Variants in KIAA1671 observed in about 807,000 individuals in gnomAD.
KIAA1671 encodes the protein uncharacterized protein KIAA1671.
A neutral mutation model predicts 131.2 loss-of-function variants in KIAA1671; 52 were observed. The observed-to-expected ratio is 0.40, with a 90% CI of 0.32 to 0.50. The LOEUF is 0.50. KIAA1671 is among the 20% of genes least tolerant of loss of function. The probability of loss-of-function intolerance (pLI) is 0.73; values close to 1 mark genes in which losing one functional copy is unlikely to be tolerated. For missense variants in KIAA1671, 2,360 were observed against 2,364.2 expected (o/e 1.00, Z 0.04); for synonymous variants, 1,003 against 961.6 (o/e 1.04, Z -0.80).
At chr22:25,053,263 C>T (rs1927641149) in intron 6 of KIAA1671, 1 of 152,192 alleles carries the variant, frequency 6.6e-6, no homozygotes, top group African/African-American at 2.4e-5. Context: ...TTTCAGGGTT[C>T]CCCTCAGGAC....
chr22:25,157,150 C>T (rs929457454), intron 6 of KIAA1671, among the ~76,000 whole-genome samples: 4 of 152,272 alleles, frequency 2.6e-5, no homozygotes, highest in Non-Finnish European at 5.9e-5. Flanking sequence ...TATATACTTA[C>T]ATATAATTAT....
At chr22:24,959,429 A>G (rs538565993) in intron 1 of KIAA1671, among the ~76,000 whole-genome samples, 1 of 152,206 alleles carries the variant, frequency 6.6e-6, no homozygotes, top group Non-Finnish European at 1.5e-5. Context: ...AGGCTGAGGC[A>G]TGAGAATCAC....
chr22:24,977,008 C>T (rs1388005577), intron 1 of KIAA1671, among the ~76,000 whole-genome samples: 4 of 152,164 alleles, frequency 2.6e-5, no homozygotes, highest in African/African-American at 9.7e-5. Flanking sequence ...GTTCAATCCT[C>T]AGTTTCCCTG....
chr22:25,074,433 A>G (rs1378882814), intron 6 of KIAA1671, among the ~76,000 whole-genome samples: 1 of 138,626 alleles, frequency 7.2e-6, no homozygotes, highest in East Asian at 2.2e-4. Flanking sequence ...TGAACTTGGG[A>G]GCCGGAGGTT....
At chr22:25,046,791 C>G (rs1927259553) in intron 5 of KIAA1671, among the ~76,000 whole-genome samples, 1 of 152,090 alleles carries the variant, frequency 6.6e-6, no homozygotes, top group African/African-American at 2.4e-5. Flanking sequence ...GGGAGTAACA[C>G]AGGGAATCCT....
At chr22:25,158,062 C>T (rs1034818499) in intron 6 of KIAA1671, among the ~76,000 whole-genome samples, 9 of 152,196 alleles carry the variant, frequency 5.9e-5, no homozygotes, top group African/African-American at 2.2e-4. Context: ...ACCTTGTGAT[C>T]CGCCTGCCTC....
At chr22:25,134,246 T>G (rs1333720732) in intron 6 of KIAA1671, among the ~76,000 whole-genome samples, 2 of 152,180 alleles carry the variant, frequency 1.3e-5, no homozygotes, top group African/African-American at 2.4e-5. Context: ...GTTTAATTAA[T>G]GAATGTGCCA....
intron 1 of KIAA1671, among the ~76,000 whole-genome samples, chr22:24,986,998 C>G (rs1023222518): frequency 2.0e-5 from 3 of 151,900 alleles, no homozygotes; most frequent in Non-Finnish European, 2.9e-5. Context: ...TGACCTCCGC[C>G]GTTTACTGCA....
chr22:25,110,357 T>C (rs543827761), intron 6 of KIAA1671, among the ~76,000 whole-genome samples: 2 of 152,292 alleles, frequency 1.3e-5, no homozygotes, highest in East Asian at 1.9e-4. Context: ...TGGGTTTCAA[T>C]TGTGTACTTG....
At position 25,111,216 on chromosome 22, in the gene KIAA1671, C is replaced by G. The variant is rs1008842572; in HGVS notation, c.4531-59604C>G. Among the ~76,000 whole-genome samples the G allele has an allele frequency of 2.6e-5, 4 of 152,330 alleles. No individual in the cohort carries two copies. The South Asian group carries it at 8.3e-4, about 32-fold the overall frequency. On this transcript the variant is annotated intron_variant, in intron 6 of 12. Transcript: ENST00000358431. The stretch of plus-strand genomic sequence containing the variant: ...AACCTTCCCGGGGCTGCCAGATCGC[C>G]GACATACACGCACACACACACAGAG...
chr22:25,123,934 G>A lies in KIAA1671; in HGVS notation c.4531-46886G>A, dbSNP rs547682917. On this transcript the variant is annotated intron_variant, in intron 6 of 12. Coordinates refer to ENST00000358431, the MANE Select transcript of KIAA1671 (RefSeq NM_001145206.2). ...TGTGGAAATAGTCCAAGGATGGCCA[G>A]GGAGTATTATTTAATGCCTTGTCTT... Among the ~76,000 whole-genome samples the A allele has an allele frequency of 6.6e-5, 10 of 152,366 alleles. No homozygotes were observed. The South Asian group carries it at 2.1e-3, about 32-fold the overall frequency.
In KIAA1671 at chr22:25,035,585, C is replaced by T. The variant is rs1418973958; in HGVS notation, c.1629+2889C>T. On this transcript the variant is annotated intron_variant, in intron 4 of 12. Transcript: ENST00000358431. The stretch of plus-strand genomic sequence containing the variant: ...GTTTGCCCTGCAAGTTTTATTGTTG[C>T]ATTTTCTGAATCATTTCTTTGAAAA... Among the ~76,000 whole-genome samples the T allele has an allele frequency of 2.0e-5, 3 of 152,138 alleles. 1 individual carries two copies. The East Asian group carries it at 5.8e-4, about 29-fold the overall frequency.
chr22:25,142,566 T>C (rs1932821667), intron 6 of KIAA1671, among the ~76,000 whole-genome samples: 1 of 152,136 alleles, frequency 6.6e-6, no homozygotes, highest in Non-Finnish European at 1.5e-5. Flanking sequence ...TGTCCATGTG[T>C]GCTTCTTTTA....
intron 6 of KIAA1671, among the ~76,000 whole-genome samples, chr22:25,108,858 T>C (rs1014037956): frequency 1.3e-5 from 2 of 152,194 alleles, no homozygotes; most frequent in African/African-American, 4.8e-5. Context: ...CTCAAGATAC[T>C]GGCCAGGTCT....
chr22:25,159,739 C>G (rs928972675), intron 6 of KIAA1671, among the ~76,000 whole-genome samples: 2 of 152,144 alleles, frequency 1.3e-5, no homozygotes, highest in Non-Finnish European at 2.9e-5. Context: ...AGTGGTAGAG[C>G]TGGATTTGCT....
At chr22:24,962,694 G>T (rs1206576970) in intron 1 of KIAA1671, among the ~76,000 whole-genome samples, 2 of 152,206 alleles carry the variant, frequency 1.3e-5, no homozygotes, top group Non-Finnish European at 2.9e-5. Context: ...AGGATTACTA[G>T]TATTATTATT....
chr22:25,169,857 G>A lies in KIAA1671; in HGVS notation c.4531-963G>A, dbSNP rs183204096. Among the ~76,000 whole-genome samples, 621 of 152,316 alleles carry A rather than the reference G, an allele frequency of 4.1e-3. 1 individual carries two copies. Among genetic ancestry groups the A allele is most frequent in the Admixed American group, 6.8e-3 (104 of 15,300 alleles). ...GATGTTGCCTGAAGCGCAGTGGTTT[G>A]GACCTGGGGGTTGAATTCCACTTCG... On this transcript the variant is annotated intron_variant, in intron 6 of 12. Coordinates refer to ENST00000358431, the MANE Select transcript of KIAA1671 (RefSeq NM_001145206.2).
chr22:25,039,465 C>T lies in KIAA1671; in HGVS notation c.2335C>T (p.Pro779Ser), dbSNP rs1229125508. 4 of 1,551,706 alleles carry T rather than the reference C, an allele frequency of 2.6e-6. No individual in the cohort carries two copies. In the African/African-American group the frequency reaches 4.1e-5, roughly 16 times the overall value. The change falls in exon 5 of 13, where the codon CCT (proline) becomes TCT (serine). Residue 779 changes from proline to serine, a missense_variant. This residue lies in a region of KIAA1671 where 1,185 missense variants were observed against 1,126.2 expected (regional missense o/e 1.05). Transcript: ENST00000358431. ...CAGGCAGCTGTCCCAGGAGGTCACCCCTGCTGACCTGGAGTGTGGTTTGGA... is the reference window on the plus strand; with the variant it reads ...CAGGCAGCTGTCCCAGGAGGTCACCTCTGCTGACCTGGAGTGTGGTTTGGA... ...KDRQLSQEVT[P>S]ADLECGLEGQ...
intron 1 of KIAA1671, chr22:25,023,404 G>A (rs1925778428): frequency 6.6e-6 from 1 of 152,110 alleles, no homozygotes; most frequent in Non-Finnish European, 1.5e-5. Context: ...AAAAAATAGT[G>A]GACATGTCCA....
Sources: allele counts gnomAD v4.1 joint callset (sites outside exome capture counted in the v4.1 genomes callset), GRCh38; gene constraint gnomAD v4.1.1; regional missense constraint gnomAD v4.1.1; transcripts MANE v1.5; gene names NCBI Gene and HGNC (gene_info 2026-07-23, HGNC 2026-07-21).